RRM1: variants seen among roughly 807,000 people sequenced by gnomAD.
RRM1 encodes ribonucleoside-diphosphate reductase large subunit.
RRM1 carries 19 observed loss-of-function variants against 101.5 expected under a neutral mutation model. That is an observed-to-expected ratio of 0.19 (90% CI 0.13 to 0.27). The LOEUF (loss-of-function observed/expected upper bound fraction) is 0.27, where lower values mean the gene tolerates loss of function less well. Among genes scored for constraint, RRM1 ranks in the 10% least tolerant of loss-of-function variants. The probability of loss-of-function intolerance (pLI) is 1.00; values close to 1 mark genes in which losing one functional copy is unlikely to be tolerated. For synonymous variants in RRM1, 298 were observed against 323.4 expected (o/e 0.92, Z 0.84); for missense variants, 500 against 962.9 (o/e 0.52, Z 6.36).
rs56134721 is a variant in RRM1, at chr11:4,138,598, G to GA, written c.*225dup. On this transcript the variant is annotated 3_prime_UTR_variant, in exon 19 of 19. Transcript: ENST00000300738. ...ACCAAAATAATGCTTTTGAAAAAAA[G>GA]AAAAAAAAAACGGATATATTGAGAA... 0.031 allele frequency: 8,676 copies of GA among 282,968 alleles called. No individual in the cohort carries two copies. The highest frequency in any genetic ancestry group is 0.047 in the Middle Eastern group (49 of 1,044). The allele number at this position is 282,968 out of a possible 1,614,324, so 17.5% of individuals were successfully genotyped here.
rs538155417 is a variant in RRM1, at chr11:4,126,450, C to T, written c.1321-234C>T. 3.2e-4 allele frequency among the ~76,000 whole-genome samples: 48 copies of T among 152,312 alleles called. 2 individuals are homozygous for T. Among genetic ancestry groups the T allele is most frequent in the Middle Eastern group, 3.4e-3 (1 of 294 alleles). ...TGTACTGTGGAACATAGGGTTCTCT[C>T]TCTCTCTTACCTATTTTGCTGATGC... On this transcript the variant is annotated intron_variant, in intron 12 of 18. Coordinates refer to ENST00000300738, the MANE Select transcript of RRM1 (RefSeq NM_001033.5).
At chr11:4,125,254 C>T (rs1296589356) in intron 12 of RRM1, among the ~76,000 whole-genome samples, 2 of 152,120 alleles carry the variant, frequency 1.3e-5, no homozygotes, top group Non-Finnish European at 2.9e-5. Flanking sequence ...AACCCTTTAT[C>T]CATTAGCAGT....
intron 12 of RRM1, among the ~76,000 whole-genome samples, chr11:4,125,208 C>T (rs897149593): frequency 1.3e-5 from 2 of 152,060 alleles, no homozygotes; most frequent in Non-Finnish European, 2.9e-5. Flanking sequence ...CCACCGTGAC[C>T]GGCCTGTAGT....
intron 4 of RRM1, 94 bp from the exon 5 acceptor site, chr11:4,109,550 T>C (rs2094562673): frequency 2.3e-6 from 2 of 878,856 alleles, no homozygotes; most frequent in African/African-American, 1.7e-5. Flanking sequence ...CCTGTGTTGA[T>C]TTTAGTTCTG....
At position 4,107,457 on chromosome 11, in the gene RRM1, C is replaced by T. The variant is rs925581917; in HGVS notation, c.309C>T (p.Asn103=). The T allele has an allele frequency of 3.7e-6, 6 of 1,611,438 alleles. No homozygotes were observed. The highest frequency in any genetic ancestry group is 1.7e-5 in the Admixed American group (1 of 60,006). ...TAGATGTGATGGAAGACCTCTATAA[C>T]TACATAAATCCACATAATGGCAAAC... is the stretch of plus-strand genomic sequence containing the variant. ...VFSDVMEDLY[N]YINPHNGKHS... is the part of the protein sequence containing the mutation. The change falls in exon 4 of 19, where the codon AAC becomes AAT. Residue 103 remains asparagine, a synonymous_variant. Coordinates refer to ENST00000300738, the MANE Select transcript of RRM1 (RefSeq NM_001033.5).
At chr11:4,097,782 G>A (rs762171231) in intron 1 of RRM1, among the ~76,000 whole-genome samples, 8 of 152,100 alleles carry the variant, frequency 5.3e-5, no homozygotes, top group Non-Finnish European at 1.0e-4. Flanking sequence ...TAATAACAAG[G>A]GCAACTGGAA....
chr11:4,128,081 A>C (rs182876881), intron 14 of RRM1, among the ~76,000 whole-genome samples: 93 of 152,126 alleles, frequency 6.1e-4, no homozygotes, highest in African/African-American at 2.1e-3. Flanking sequence ...CAAAAGGGGC[A>C]CAGTCTAGTC....
At chr11:4,096,116 C>T (rs1355136253) in intron 1 of RRM1, among the ~76,000 whole-genome samples, 5 of 152,144 alleles carry the variant, frequency 3.3e-5, no homozygotes, top group East Asian at 3.9e-4. Context: ...ACCTTGAAGT[C>T]CTGGGCTCAA....
At chr11:4,135,589 T>C (rs906444533) in intron 18 of RRM1, among the ~76,000 whole-genome samples, 1 of 152,190 alleles carries the variant, frequency 6.6e-6, no homozygotes, top group African/African-American at 2.4e-5. Context: ...TCTTCCTTCC[T>C]TTTCTGCTGC....
chr11:4,127,740 T>G (rs759330326), intron 14 of RRM1, among the ~76,000 whole-genome samples: 7 of 152,234 alleles, frequency 4.6e-5, no homozygotes, highest in Non-Finnish European at 1.0e-4. Flanking sequence ...TAAATACCTT[T>G]GTCCTCTGGA....
intron 12 of RRM1, 136 bp downstream of exon 12, chr11:4,123,520 G>A: frequency 1.4e-6 from 1 of 704,690 alleles, no homozygotes; most frequent in Non-Finnish European, 2.4e-6. Context: ...CACTGTTAAA[G>A]GCAGAGAGCA....
chr11:4,131,379 A>G (rs2094599952), intron 15 of RRM1, among the ~76,000 whole-genome samples: 2 of 152,190 alleles, frequency 1.3e-5, no homozygotes, highest in South Asian at 4.1e-4. Flanking sequence ...CAGCCAAACT[A>G]TATCCAGTTG....
intron 1 of RRM1, among the ~76,000 whole-genome samples, chr11:4,097,149 A>T (rs184178991): frequency 1.2e-3 from 182 of 151,532 alleles, no homozygotes; most frequent in African/African-American, 4.2e-3. Flanking sequence ...GCCGGACGGT[A>T]GTGGTTTGCA....
chr11:4,113,660 G>A (rs571070659), intron 7 of RRM1, among the ~76,000 whole-genome samples: 1 of 152,164 alleles, frequency 6.6e-6, no homozygotes, highest in South Asian at 2.1e-4. Context: ...GTATACTTAG[G>A]TAAGCCTAGA....
chr11:4,119,553 T>C (rs1370727808), intron 8 of RRM1, among the ~76,000 whole-genome samples: 1 of 152,232 alleles, frequency 6.6e-6, no homozygotes, highest in African/African-American at 2.4e-5. Flanking sequence ...TTAGAAGATG[T>C]AGAGTTTAAA....
rs1327141375 is a variant in RRM1 at position 4,109,715 on chromosome 11, G to A, written c.447+12G>A. On this transcript the variant is annotated intron_variant, in intron 5 of 18. Coordinates refer to ENST00000300738, the MANE Select transcript of RRM1 (RefSeq NM_001033.5). ...ACTTCGGCTTTAAGGTAAATAATGG[G>A]TTTCAAGTATGTGGGAATTTATACT... is the stretch of plus-strand genomic sequence containing the variant. 30 of 1,578,862 alleles carry A rather than the reference G, an allele frequency of 1.9e-5. No individual in the cohort carries two copies. The highest frequency in any genetic ancestry group is 3.5e-4 in the Middle Eastern group (2 of 5,716).
chr11:4,104,054 T>A (rs555074437), intron 2 of RRM1, among the ~76,000 whole-genome samples: 1 of 151,732 alleles, frequency 6.6e-6, no homozygotes, highest in South Asian at 2.1e-4. Context: ...GAGGTTGCTG[T>A]GAGCTGAGAT....
Position 4,132,491 on chromosome 11 carries a change from C to T in RRM1, c.1905+70C>T, listed in dbSNP as rs1450601689. 1.3e-6 allele frequency: 2 copies of T among 1,541,254 alleles called. No homozygotes were observed. Among genetic ancestry groups the T allele is most frequent in the Non-Finnish European group, 1.8e-6 (2 of 1,126,756 alleles). On this transcript the variant is annotated intron_variant, in intron 16 of 18. Transcript: ENST00000300738. This position sits in a 1 kb window ranked among gnomAD's most constrained non-coding sequence, Gnocchi z 4.1. ...CTGATGTTGGGAGTAAATGCTCACT[C>T]ATGTTTAATTTGCCCATTTTCTTAG...
In RRM1 at chr11:4,138,280, A is replaced by G. The variant is rs2094617734; in HGVS notation, c.2276A>G (p.Asp759Gly). 1 of 1,611,496 alleles carries G rather than the reference A, an allele frequency of 6.2e-7. No homozygotes were observed. Among genetic ancestry groups the G allele is most frequent in the Non-Finnish European group, 8.5e-7 (1 of 1,177,832 alleles). The change falls in exon 19 of 19, where the codon GAT becomes GGT. Residue 759 changes from aspartate (D) to glycine (G), a missense_variant. Transcript: ENST00000300738. The stretch of plus-strand genomic sequence containing the variant: ...ACTCTAAATAAGGAGAAGCTAAAAG[A>G]TAAAGAAAAGGTATCAAAAGAGGAA... ...QFTLNKEKLK[D>G]KEKVSKEEEE... is the part of the protein sequence containing the mutation.
Sources: gnomAD v4.1 joint callset for allele counts (sites outside exome capture counted in the v4.1 genomes callset) on GRCh38, gnomAD v4.1.1 for gene constraint, Gnocchi (gnomAD v3.1) non-coding constraint, MANE v1.5 for transcripts, NCBI Gene and HGNC (gene_info 2026-07-23, HGNC 2026-07-21) for gene names.